Variants in GTF3C1 observed in about 807,000 individuals in gnomAD.
GTF3C1 encodes the protein general transcription factor 3C polypeptide 1.
A neutral mutation model predicts 226.7 loss-of-function variants in GTF3C1; 57 were observed. That is an observed-to-expected ratio of 0.25 (90% CI 0.20 to 0.31). The LOEUF is 0.31. GTF3C1 is among the 10% of genes least tolerant of loss of function. The probability of loss-of-function intolerance (pLI) is 1.00; values close to 1 mark genes in which losing one functional copy is unlikely to be tolerated. For synonymous variants in GTF3C1, 1,090 were observed against 1,084.8 expected, an observed-to-expected ratio of 1.00 and a Z score of -0.09; for missense variants, 2,217 against 2,776.1, an observed-to-expected ratio of 0.80 and a Z score of 4.53.
intron 6 of GTF3C1, among the ~76,000 whole-genome samples, chr16:27,523,246 CA>C (rs2088778320): frequency 6.6e-6 from 1 of 152,120 alleles, no homozygotes; most frequent in Non-Finnish European, 1.5e-5. Flanking sequence ...ATTTGCAAAA[CA>C]GATCAGTTCA....
rs371926772 is a variant in GTF3C1 at position 27,501,305 on chromosome 16, G to A, written c.1947C>T (p.Gly649=). The A allele has an allele frequency of 4.3e-6, 7 of 1,613,882 alleles. No individual in the cohort carries two copies. The highest frequency in any genetic ancestry group is 1.7e-5 in the Admixed American group (1 of 60,000). The change falls in exon 12 of 37, where the codon GGC becomes GGT. Residue 649 remains glycine (G), a synonymous_variant. Coordinates refer to ENST00000356183, the MANE Select transcript of GTF3C1 (RefSeq NM_001520.4). ...ACTTCTTGCAGCACTTGGTGGACACGCCTTCCTGCTTCTCCTGATCCATGA... is the reference window on the plus strand; with the variant it reads ...ACTTCTTGCAGCACTTGGTGGACACACCTTCCTGCTTCTCCTGATCCATGA... The part of the protein sequence containing the change: ...KMIMDQEKQE[G]VSTKCCKKSI...
At chr16:27,531,851 T>C (rs1438537972) in intron 5 of GTF3C1, among the ~76,000 whole-genome samples, 8 of 152,230 alleles carry the variant, frequency 5.3e-5, no homozygotes, top group African/African-American at 1.4e-4. Flanking sequence ...AGGAAATTCC[T>C]TCGTTTCTGC....
At chr16:27,473,722 G>A (rs1007604391) in intron 29 of GTF3C1, among the ~76,000 whole-genome samples, 8 of 152,212 alleles carry the variant, frequency 5.3e-5, no homozygotes, top group African/African-American at 1.4e-4. Flanking sequence ...TCCCTGGAGC[G>A]TATCTGAATG....
chr16:27,469,482 C>T lies in GTF3C1; in HGVS notation c.4883G>A (p.Gly1628Asp). 2 of 1,614,162 alleles carry T rather than the reference C, an allele frequency of 1.2e-6. No homozygotes were observed. Among genetic ancestry groups the T allele is most frequent in the East Asian group, 4.5e-5 (2 of 44,878 alleles). The change falls in exon 32 of 37, where the codon GGC (glycine) becomes GAC (aspartate). Residue 1628 changes from glycine (G) to aspartate (D), a missense_variant. Coordinates refer to ENST00000356183, the MANE Select transcript of GTF3C1 (RefSeq NM_001520.4). The surrounding 1 kb of genome is among the most constrained non-coding windows in gnomAD (Gnocchi z 4.5). ...EEDDLDEGVGGKRRSMEVKPA... is the reference protein window; with the variant it reads ...EEDDLDEGVGDKRRSMEVKPA... ...TTTCACCTCCATGCTCCGGCGCTTGCCCCCTACACCTTCGTCCAAGTCATC... is the reference window on the plus strand; with the variant it reads ...TTTCACCTCCATGCTCCGGCGCTTGTCCCCTACACCTTCGTCCAAGTCATC...
chr16:27,520,620 G>A (rs923193014), intron 6 of GTF3C1, among the ~76,000 whole-genome samples: 5 of 152,156 alleles, frequency 3.3e-5, no homozygotes, highest in African/African-American at 1.2e-4. Context: ...GGTTTACAAG[G>A]GTTTAGAAAA....
chr16:27,544,472 G>GGGA (rs977569909), intron 2 of GTF3C1, among the ~76,000 whole-genome samples: 1 of 151,850 alleles, frequency 6.6e-6, no homozygotes, highest in Non-Finnish European at 1.5e-5. Context: ...GCTGGGGGAG[G>GGGA]GGAGGAGGAG....
rs1298971568 is a variant in GTF3C1, at chr16:27,502,990, A to G, written c.1776T>C (p.Ser592=). The G allele has an allele frequency of 6.2e-7, 1 of 1,612,312 alleles. No homozygotes were observed. Among genetic ancestry groups the G allele is most frequent in the South Asian group, 1.1e-5 (1 of 90,996 alleles). Reference sequence around the variant, plus strand: ...GCCTCCCAGTCTTCAGGGAACTGCTACTCTCCTAGAACAGAGACCGAAAGC... The same window carrying G: ...GCCTCCCAGTCTTCAGGGAACTGCTGCTCTCCTAGAACAGAGACCGAAAGC... ...EEVRMENPKE[S]SSSLKTGRHS... The change falls in exon 11 of 37, where the codon AGT becomes AGC. Residue 592 remains serine (S), a synonymous_variant. Coordinates refer to ENST00000356183, the MANE Select transcript of GTF3C1 (RefSeq NM_001520.4).
chr16:27,508,809 C>T (rs1255367199), intron 7 of GTF3C1, among the ~76,000 whole-genome samples, 154 bp from the exon 8 acceptor site: 8 of 152,212 alleles, frequency 5.3e-5, no homozygotes, highest in African/African-American at 7.2e-5. Context: ...TCCTCCCAAG[C>T]GTGCTTCCCT....
At position 27,476,511 on chromosome 16, in the gene GTF3C1, G is replaced by A; in HGVS notation, c.4293C>T (p.Asn1431=). The A allele has an allele frequency of 1.9e-6, 3 of 1,612,918 alleles. No individual in the cohort carries two copies. The highest frequency in any genetic ancestry group is 2.5e-6 in the Non-Finnish European group (3 of 1,178,980). The change falls in exon 29 of 37, where the codon AAC becomes AAT. Residue 1431 remains asparagine (N), a synonymous_variant. Transcript: ENST00000356183. The stretch of plus-strand genomic sequence containing the variant: ...AGAGGGCCAGCGTGCTCTGGATCAG[G>A]TTCTGAAGCACCAGAAAGTGGATGT... ...VDDIHFLVLQ[N]LIQSTLALSD... is the part of the protein sequence containing the mutation.
chr16:27,502,399 C>T (rs2088420238), intron 11 of GTF3C1, among the ~76,000 whole-genome samples: 1 of 152,158 alleles, frequency 6.6e-6, no homozygotes, highest in Admixed American at 6.5e-5. Context: ...GCCTCTACTC[C>T]ATCCCAAACA....
intron 29 of GTF3C1, among the ~76,000 whole-genome samples, chr16:27,474,536 G>A (rs373846321): frequency 1.1e-4 from 16 of 152,246 alleles, no homozygotes; most frequent in African/African-American, 3.4e-4. Context: ...GCCAGAAGTC[G>A]GAAATTTGGA....
intron 14 of GTF3C1, among the ~76,000 whole-genome samples, chr16:27,497,078 C>A (rs2088330428): frequency 6.6e-6 from 1 of 152,184 alleles, no homozygotes; most frequent in African/African-American, 2.4e-5. Context: ...ACAGCCGGGC[C>A]CCGGTGAGTC....
intron 10 of GTF3C1, among the ~76,000 whole-genome samples, chr16:27,503,813 C>G (rs375931884): frequency 1.3e-5 from 2 of 152,154 alleles, no homozygotes; most frequent in East Asian, 3.9e-4. Context: ...CTTATGGTAG[C>G]CCCAGGGCAT....
chr16:27,533,463 T>C, intron 4 of GTF3C1, 76 bp from the exon 5 acceptor site: 1 of 783,136 alleles, frequency 1.3e-6, no homozygotes, highest in South Asian at 1.4e-5. Flanking sequence ...TTCTTAAAGA[T>C]GACAAAGCAA....
Position 27,528,011 on chromosome 16 carries a change from C to T in GTF3C1, c.973+587G>A, listed in dbSNP as rs929024132. On this transcript the variant is annotated intron_variant, in intron 6 of 36. Coordinates refer to ENST00000356183, the MANE Select transcript of GTF3C1 (RefSeq NM_001520.4). ...AAAAGAGGCTGAGTGTGGTGGCTCA[C>T]GCTTATAATCCCAGGACTTTGGGAG... Among the ~76,000 whole-genome samples the T allele has an allele frequency of 2.6e-5, 4 of 151,362 alleles. No homozygotes were observed. In the South Asian group the frequency reaches 6.3e-4, roughly 24 times the overall value.
At chr16:27,476,300 T>A in intron 29 of GTF3C1, 151 bp downstream of exon 29, 1 of 581,276 alleles carries the variant, frequency 1.7e-6, no homozygotes, top group Non-Finnish European at 3.1e-6. Flanking sequence ...AAAACAACGA[T>A]AAAAAAATAA....
chr16:27,506,074 GGCT>G lies in GTF3C1; in HGVS notation c.1592_1594del (p.Gln531del), dbSNP rs1485570097. 6.2e-7 allele frequency: 1 copy of G among 1,613,546 alleles called. No homozygotes were observed. The highest frequency in any genetic ancestry group is 2.2e-5 in the East Asian group (1 of 44,900). ...TTCAGCAGCTCCTGGGAAGGAGGGCGGCTGCTTTTTCAATGGGTGTAGGTTTAC... is the reference window on the plus strand; with the variant it reads ...TTCAGCAGCTCCTGGGAAGGAGGGCGGCTTTTTCAATGGGTGTAGGTTTAC... On this transcript the variant is annotated inframe_deletion, in exon 10 of 37. Transcript: ENST00000356183.
In GTF3C1 at chr16:27,507,867, C is replaced by A. The variant is rs1012473804; in HGVS notation, c.1242+673G>T. On this transcript the variant is annotated intron_variant, in intron 8 of 36. Transcript: ENST00000356183. The surrounding 1 kb of genome is among the most constrained non-coding windows in gnomAD (Gnocchi z 4.9). Reference sequence around the variant, plus strand: ...ATGTCCCCAGGTGCCAGGCAAGTAACATGCATAAGAAGGAGGGCCAAGTGG... The same window carrying A: ...ATGTCCCCAGGTGCCAGGCAAGTAAAATGCATAAGAAGGAGGGCCAAGTGG... Among the ~76,000 whole-genome samples, 1 of 152,248 alleles carries A rather than the reference C, an allele frequency of 6.6e-6. No individual in the cohort carries two copies. The highest frequency in any genetic ancestry group is 1.5e-5 in the Non-Finnish European group (1 of 68,046).
intron 2 of GTF3C1, among the ~76,000 whole-genome samples, chr16:27,543,613 G>T (rs1184441355): frequency 6.6e-6 from 1 of 152,066 alleles, no homozygotes; most frequent in Non-Finnish European, 1.5e-5. Context: ...GCCCAGGCTA[G>T]TCTTTAACTC....
Sources: allele counts gnomAD v4.1 joint callset (sites outside exome capture counted in the v4.1 genomes callset), GRCh38; gene constraint gnomAD v4.1.1; non-coding constraint Gnocchi (gnomAD v3.1); transcripts MANE v1.5; gene names NCBI Gene and HGNC (gene_info 2026-07-23, HGNC 2026-07-21).